FGF10: variants seen among roughly 807,000 people sequenced by gnomAD.
FGF10 encodes FGF-10.
FGF10 carries 2 observed loss-of-function variants against 19.8 expected under a neutral mutation model. The ratio of observed to expected loss-of-function variants is 0.10; its 90% CI spans 0.04 to 0.32. FGF10 has a LOEUF of 0.32. Among genes scored for constraint, FGF10 ranks in the 10% least tolerant of loss-of-function variants. FGF10 has a pLI of 1.00. For missense variants in FGF10, 191 were observed against 246.3 expected (o/e 0.78, Z 1.50); for synonymous variants, 112 against 94.0 (o/e 1.19, Z -1.10).
chr5:44,336,191 TTTGATTCTCTTTCTTTTTTTC>T (rs1425665860), intron 1 of FGF10, among the ~76,000 whole-genome samples: 2 of 152,060 alleles, frequency 1.3e-5, no homozygotes, highest in African/African-American at 4.8e-5. Context: ...TCTTTGTAAG[TTTGATTCTCTTTCTTTTTTTC>T]TAATTCATTT....
At chr5:44,336,418 T>C (rs868081311) in intron 1 of FGF10, among the ~76,000 whole-genome samples, 10 of 152,180 alleles carry the variant, frequency 6.6e-5, no homozygotes, top group African/African-American at 2.4e-4. Flanking sequence ...TTTCAAATAC[T>C]TACTGTGATC....
intron 1 of FGF10, among the ~76,000 whole-genome samples, chr5:44,338,568 G>T (rs1357352261): frequency 6.6e-6 from 1 of 152,150 alleles, no homozygotes. Context: ...GCTTCCTAAG[G>T]CTTTGATGTG....
intron 1 of FGF10, among the ~76,000 whole-genome samples, chr5:44,375,493 T>C (rs1192595850): frequency 6.6e-6 from 1 of 152,142 alleles, no homozygotes; most frequent in East Asian, 1.9e-4. Context: ...GAAATCAACA[T>C]AAAATAGCTA....
At chr5:44,366,127 C>CTTTTTTT (rs35522683) in intron 1 of FGF10, among the ~76,000 whole-genome samples, 17 of 74,824 alleles carry the variant, frequency 2.3e-4, no homozygotes, top group Non-Finnish European at 3.0e-4. Context: ...CAATTATTTC[C>CTTTTTTT]TTTTTTTTTT....
At chr5:44,305,955 T>G (rs1483875208) in intron 2 of FGF10, among the ~76,000 whole-genome samples, 2 of 152,170 alleles carry the variant, frequency 1.3e-5, no homozygotes, top group Non-Finnish European at 2.9e-5. Flanking sequence ...TTCCATCCCA[T>G]AGCCATAGAG....
At chr5:44,385,830 G>T (rs767956659) in intron 1 of FGF10, among the ~76,000 whole-genome samples, 1 of 152,104 alleles carries the variant, frequency 6.6e-6, no homozygotes, top group Non-Finnish European at 1.5e-5. Context: ...GCTGGAAATC[G>T]TAGCAGCATT....
intron 1 of FGF10, among the ~76,000 whole-genome samples, chr5:44,325,534 A>G (rs13177850): frequency 4.6e-5 from 7 of 152,142 alleles, no homozygotes; most frequent in Non-Finnish European, 7.3e-5. Flanking sequence ...GCACATATAC[A>G]CCATGGAATA....
chr5:44,361,954 A>T (rs888746568), intron 1 of FGF10, among the ~76,000 whole-genome samples: 1 of 151,620 alleles, frequency 6.6e-6, no homozygotes. Flanking sequence ...CAGAAAGGTG[A>T]TCTGTATTTA....
intron 1 of FGF10, among the ~76,000 whole-genome samples, chr5:44,340,719 A>G (rs1374330088): frequency 6.6e-6 from 1 of 152,002 alleles, no homozygotes; most frequent in African/African-American, 2.4e-5. Flanking sequence ...AACTTTCTTG[A>G]TACACAGCTA....
At chr5:44,379,449 C>G (rs1321597399) in intron 1 of FGF10, among the ~76,000 whole-genome samples, 1 of 152,116 alleles carries the variant, frequency 6.6e-6, no homozygotes, top group Non-Finnish European at 1.5e-5. Flanking sequence ...GACAACTTGC[C>G]CAAAGTTATC....
At chr5:44,345,139 T>C (rs1561208664) in intron 1 of FGF10, among the ~76,000 whole-genome samples, 1 of 151,924 alleles carries the variant, frequency 6.6e-6, no homozygotes, top group Non-Finnish European at 1.5e-5. Flanking sequence ...CTTTTCATCA[T>C]AATGTAGGTA....
At chr5:44,350,833 G>A (rs954211756) in intron 1 of FGF10, among the ~76,000 whole-genome samples, 1 of 151,036 alleles carries the variant, frequency 6.6e-6, no homozygotes, top group African/African-American at 2.4e-5. Context: ...ATAGCACTTT[G>A]GTTATTTCTT....
chr5:44,331,196 G>A (rs1740728911), intron 1 of FGF10, among the ~76,000 whole-genome samples: 1 of 151,892 alleles, frequency 6.6e-6, no homozygotes. Context: ...TACAAATTAA[G>A]CCAGACTAGA....
chr5:44,386,077 G>C (rs1284878235), intron 1 of FGF10, among the ~76,000 whole-genome samples: 2 of 151,946 alleles, frequency 1.3e-5, no homozygotes, highest in African/African-American at 4.8e-5. Flanking sequence ...TAAAATATTA[G>C]TATATTTTGG....
At chr5:44,337,939 C>T (rs1740890436) in intron 1 of FGF10, among the ~76,000 whole-genome samples, 1 of 150,444 alleles carries the variant, frequency 6.6e-6, no homozygotes, top group African/African-American at 2.4e-5. Context: ...GACTCTGTCT[C>T]AGAAAAAAAA....
chr5:44,352,323 G>C (rs1741252170), intron 1 of FGF10, among the ~76,000 whole-genome samples: 1 of 151,602 alleles, frequency 6.6e-6, no homozygotes, highest in African/African-American at 2.4e-5. Flanking sequence ...TGCCACAGAG[G>C]GAACTCATGC....
intron 1 of FGF10, among the ~76,000 whole-genome samples, chr5:44,339,443 A>G (rs1359851813): frequency 5.3e-5 from 8 of 152,206 alleles, no homozygotes; most frequent in African/African-American, 1.9e-4. Context: ...AATTAAAAAA[A>G]CTTTTAGCAT....
At position 44,388,581 on chromosome 5, in the gene FGF10, A is replaced by T. The variant is rs140279180; in HGVS notation, c.102T>A (p.Pro34=). The T allele has an allele frequency of 6.2e-7, 1 of 1,614,180 alleles. No individual in the cohort carries two copies. The highest frequency in any genetic ancestry group is 1.3e-5 in the African/African-American group (1 of 75,048). Residue 34 remains proline (P), a synonymous_variant, in exon 1 of 3, where the codon CCT becomes CCA. Coordinates refer to ENST00000264664, the MANE Select transcript of FGF10 (RefSeq NM_004465.2). ...CCTGACCAAGGGCTTGGCAGGTGAC[A>T]GGGACGGAAGACACCAAGAACAGCA... ...FLLLFLVSSV[P]VTCQALGQDM... is the part of the protein sequence containing the mutation.
Position 44,364,844 on chromosome 5 carries a change from T to A in FGF10, c.325+23514A>T, listed in dbSNP as rs1842812. On this transcript the variant is annotated intron_variant, in intron 1 of 2. Transcript: ENST00000264664. ...TAAGGAAACCAAGATAGAAATCTGA[T>A]AATATTATCTGTGTAGGTGGTTTTC... Among the ~76,000 whole-genome samples the A allele has an allele frequency of 1.3e-3, 204 of 152,054 alleles. 1 individual carries two copies. Among genetic ancestry groups the A allele is most frequent in the African/African-American group, 4.7e-3 (196 of 41,522 alleles).
Sources: allele counts gnomAD v4.1 joint callset (sites outside exome capture counted in the v4.1 genomes callset), GRCh38; gene constraint gnomAD v4.1.1; transcripts MANE v1.5; gene names NCBI Gene and HGNC (gene_info 2026-07-23, HGNC 2026-07-21).